Variants in SLC2A13 observed in about 807,000 individuals in gnomAD.
SLC2A13 encodes the protein proton myo-inositol cotransporter.
SLC2A13 carries 32 observed loss-of-function variants against 64.4 expected under a neutral mutation model. That is an observed-to-expected ratio of 0.50 (90% confidence interval 0.37 to 0.67). The LOEUF (loss-of-function observed/expected upper bound fraction) is 0.67. Among genes scored for constraint, SLC2A13 ranks in the 30% least tolerant of loss-of-function variants. The probability of loss-of-function intolerance (pLI) is 0.00; values close to 1 mark genes in which losing one functional copy is unlikely to be tolerated. For missense variants in SLC2A13, 743 were observed against 829.2 expected, an observed-to-expected ratio of 0.90 and a Z score of 1.28; for synonymous variants, 338 against 327.1, an observed-to-expected ratio of 1.03 and a Z score of -0.36.
At chr12:39,899,843 A>G (rs1945035935) in intron 4 of SLC2A13, among the ~76,000 whole-genome samples, 1 of 152,060 alleles carries the variant, frequency 6.6e-6, no homozygotes, top group African/African-American at 2.4e-5. Flanking sequence ...GTGGTCTGAG[A>G]GACAGTTTGT....
At chr12:40,039,170 T>C (rs1008119078) in intron 2 of SLC2A13, among the ~76,000 whole-genome samples, 4 of 152,208 alleles carry the variant, frequency 2.6e-5, no homozygotes, top group Non-Finnish European at 4.4e-5. Flanking sequence ...CTTGGCTCTT[T>C]TGTCATTAGA....
intron 1 of SLC2A13, among the ~76,000 whole-genome samples, chr12:40,103,227 A>G (rs1476822241): frequency 1.3e-5 from 2 of 152,170 alleles, no homozygotes; most frequent in Non-Finnish European, 2.9e-5. Flanking sequence ...CTATTCCCCA[A>G]GTATGCCCTA....
At position 40,076,689 on chromosome 12, in the gene SLC2A13, G is replaced by A. The variant is rs181889704; in HGVS notation, c.557-28479C>T. 3.9e-3 allele frequency among the ~76,000 whole-genome samples: 591 copies of A among 152,222 alleles called. 3 individuals are homozygous for A. The highest frequency in any genetic ancestry group is 6.5e-3 in the Non-Finnish European group (442 of 67,976). ...TACCCAGTAAGGGGACTGCTGGATC[G>A]AATGGTAGTTCTGTTTTACATTGAG... On this transcript the variant is annotated intron_variant, in intron 1 of 9. Coordinates refer to ENST00000280871, the MANE Select transcript of SLC2A13 (RefSeq NM_052885.4).
chr12:39,988,943 C>A (rs746926845), intron 3 of SLC2A13, among the ~76,000 whole-genome samples: 1 of 152,136 alleles, frequency 6.6e-6, no homozygotes, highest in Non-Finnish European at 1.5e-5. Flanking sequence ...TAGGCCTAGG[C>A]CACCAGCATC....
Position 40,105,885 on chromosome 12 carries a change from C to A in SLC2A13, c.-77G>T. 2 of 1,267,448 alleles carry A rather than the reference C, an allele frequency of 1.6e-6. No individual in the cohort carries two copies. The highest frequency in any genetic ancestry group is 2.6e-5 in the South Asian group (1 of 37,900). 78.5% of individuals were successfully genotyped at this position (1,267,448 alleles called of 1,614,324 possible). Reference sequence around the variant, plus strand: ...TCTCGGCGAGCTAGACAGCCCGAGCCGGCGGGAGCAACCGCCGCTGCCGCC... The same window carrying A: ...TCTCGGCGAGCTAGACAGCCCGAGCAGGCGGGAGCAACCGCCGCTGCCGCC... On this transcript the variant is annotated 5_prime_UTR_variant, in exon 1 of 10. Transcript: ENST00000280871. The surrounding 1 kb of genome is among the most constrained non-coding windows in gnomAD (Gnocchi z 4.2).
chr12:39,830,105 G>T lies in SLC2A13; in HGVS notation c.1443C>A (p.Gly481=). 6.2e-7 allele frequency: 1 copy of T among 1,613,512 alleles called. No homozygotes were observed. The highest frequency in any genetic ancestry group is 8.5e-7 in the Non-Finnish European group (1 of 1,179,676). Residue 481 remains glycine (G), a splice_region_variant and synonymous_variant, in exon 7 of 10, where the codon GGC becomes GGA. Transcript: ENST00000280871. ...NKASTNEAAW[G]RCENETKFKT... ...GTATGGTAAAATGAGTGATATACCT[G>T]CCCCAGGCTGCCTCATTTGTAGATG... is the stretch of plus-strand genomic sequence containing the variant.
At chr12:40,035,148 C>T (rs1947961174) in intron 2 of SLC2A13, among the ~76,000 whole-genome samples, 1 of 152,134 alleles carries the variant, frequency 6.6e-6, no homozygotes. Context: ...TTTTCATATA[C>T]TGAAGGAATA....
chr12:39,973,777 G>A (rs1017112756), intron 3 of SLC2A13, among the ~76,000 whole-genome samples: 3 of 152,184 alleles, frequency 2.0e-5, no homozygotes, highest in Non-Finnish European at 2.9e-5. Flanking sequence ...GCTATCAGAG[G>A]TCAAGGTATG....
chr12:39,910,124 C>G (rs1200626587), intron 4 of SLC2A13, among the ~76,000 whole-genome samples: 1 of 152,106 alleles, frequency 6.6e-6, no homozygotes, highest in East Asian at 1.9e-4. Flanking sequence ...GCAGGACTAT[C>G]TACTGTGTCA....
chr12:39,951,103 A>C (rs754909994), intron 4 of SLC2A13, 154 bp downstream of exon 4: 8 of 558,026 alleles, frequency 1.4e-5, no homozygotes, highest in Non-Finnish European at 2.1e-5. Flanking sequence ...TGGAATTAAA[A>C]AATTGTAAAG....
chr12:40,070,521 A>G (rs1209444967), intron 1 of SLC2A13, among the ~76,000 whole-genome samples: 4 of 152,126 alleles, frequency 2.6e-5, no homozygotes, highest in Admixed American at 6.6e-5. Context: ...AGTCTATTTT[A>G]GGTTGGGTTA....
At chr12:40,040,506 T>C (rs1948067689) in intron 2 of SLC2A13, among the ~76,000 whole-genome samples, 2 of 152,036 alleles carry the variant, frequency 1.3e-5, no homozygotes, top group Admixed American at 1.3e-4. Context: ...TTCTCCCACC[T>C]CAGCCTCCTG....
At chr12:39,798,843 C>T (rs1941671668) in intron 7 of SLC2A13, among the ~76,000 whole-genome samples, 1 of 151,788 alleles carries the variant, frequency 6.6e-6, no homozygotes, top group African/African-American at 2.4e-5. Context: ...GATGTATAAA[C>T]ATATGTTAAT....
intron 7 of SLC2A13, among the ~76,000 whole-genome samples, chr12:39,813,125 G>A (rs1424460755): frequency 1.5e-4 from 22 of 146,076 alleles, no homozygotes; most frequent in Admixed American, 7.1e-4. Context: ...GATTACAGGC[G>A]TGACCCACTG....
chr12:39,773,220 A>G (rs1382830397), intron 7 of SLC2A13, among the ~76,000 whole-genome samples: 1 of 152,146 alleles, frequency 6.6e-6, no homozygotes, highest in Non-Finnish European at 1.5e-5. Flanking sequence ...GACTGCAATA[A>G]TGGGAAGCTG....
chr12:39,997,574 T>C (rs964924020), intron 3 of SLC2A13, among the ~76,000 whole-genome samples: 15 of 152,260 alleles, frequency 9.9e-5, no homozygotes, highest in Admixed American at 9.1e-4. Flanking sequence ...CTCACGCCTG[T>C]AATCTCAGCA....
chr12:40,055,531 T>C (rs1295688840), intron 1 of SLC2A13, among the ~76,000 whole-genome samples: 1 of 152,244 alleles, frequency 6.6e-6, no homozygotes, highest in Admixed American at 6.5e-5. Flanking sequence ...TCTTCTGTAC[T>C]ATAAGTTGCC....
At chr12:39,845,854 G>T (rs1467876389) in intron 6 of SLC2A13, among the ~76,000 whole-genome samples, 1 of 152,128 alleles carries the variant, frequency 6.6e-6, no homozygotes, top group South Asian at 2.1e-4. Flanking sequence ...GCACACAGTG[G>T]TCCTTTTCTT....
chr12:39,878,907 G>C (rs530819123), intron 4 of SLC2A13, among the ~76,000 whole-genome samples: 2 of 152,208 alleles, frequency 1.3e-5, no homozygotes, highest in Non-Finnish European at 2.9e-5. Context: ...CACAGGCCCA[G>C]AGGCCTAGGA....
Sources: allele counts gnomAD v4.1 joint callset (sites outside exome capture counted in the v4.1 genomes callset), GRCh38; gene constraint gnomAD v4.1.1; non-coding constraint Gnocchi (gnomAD v3.1); transcripts MANE v1.5; gene names NCBI Gene and HGNC (gene_info 2026-07-23, HGNC 2026-07-21).